The following UNC13C variants were observed in gnomAD, a reference collection of about 807,000 sequenced individuals.
UNC13C encodes unc-13 homolog C, also known as protein unc-13 homolog C.
UNC13C carries 174 observed loss-of-function variants against 245.4 expected under a neutral mutation model. The ratio of observed to expected loss-of-function variants is 0.71; its 90% CI spans 0.63 to 0.80. UNC13C has a LOEUF of 0.80. UNC13C is among the 30% of genes least tolerant of loss of function. UNC13C has a pLI of 0.00. For missense variants in UNC13C, 2,829 were observed against 2,602.9 expected, an observed-to-expected ratio of 1.09 and a Z score of -1.89; for synonymous variants, 992 against 895.1, an observed-to-expected ratio of 1.11 and a Z score of -1.93.
chr15:54,128,912 G>A (rs1018487135), intron 2 of UNC13C, among the ~76,000 whole-genome samples: 1 of 152,130 alleles, frequency 6.6e-6, no homozygotes, highest in Non-Finnish European at 1.5e-5. Flanking sequence ...CTCTCAACTA[G>A]GCCTCTCAAC....
At chr15:53,991,659 G>A (rs1041312986) in intron 1 of UNC13C, among the ~76,000 whole-genome samples, 1 of 151,968 alleles carries the variant, frequency 6.6e-6, no homozygotes, top group Non-Finnish European at 1.5e-5. Flanking sequence ...CTTGCCTCTA[G>A]GAACTGCATT....
intron 30 of UNC13C, among the ~76,000 whole-genome samples, chr15:54,616,862 C>T (rs896380951): frequency 6.6e-6 from 1 of 152,018 alleles, no homozygotes; most frequent in African/African-American, 2.4e-5. Flanking sequence ...TTCAATCCCA[C>T]AAGCTCCATT....
intron 11 of UNC13C, among the ~76,000 whole-genome samples, chr15:54,297,347 T>C (rs1411081235): frequency 6.7e-6 from 1 of 148,902 alleles, no homozygotes; most frequent in Non-Finnish European, 1.5e-5. Flanking sequence ...GGAATCATAG[T>C]TACTTTTTTT....
chr15:54,334,506 T>G (rs1190234004), intron 16 of UNC13C, among the ~76,000 whole-genome samples: 1 of 152,106 alleles, frequency 6.6e-6, no homozygotes, highest in Non-Finnish European at 1.5e-5. Flanking sequence ...ATTACGATGC[T>G]TATTCAGAAA....
intron 2 of UNC13C, among the ~76,000 whole-genome samples, chr15:54,034,612 A>T (rs568110549): frequency 4.6e-5 from 7 of 152,322 alleles, no homozygotes; most frequent in Admixed American, 2.6e-4. Flanking sequence ...ATGATGTGAA[A>T]TTCTTAGTGT....
At chr15:54,318,209 G>T (rs185477784) in intron 13 of UNC13C, among the ~76,000 whole-genome samples, 2 of 151,898 alleles carry the variant, frequency 1.3e-5, no homozygotes, top group Non-Finnish European at 1.5e-5. Context: ...TCTCTTTGAC[G>T]TGCTGATTTC....
chr15:54,602,329 CT>C (rs1460723445), intron 30 of UNC13C, among the ~76,000 whole-genome samples: 1 of 152,172 alleles, frequency 6.6e-6, no homozygotes, highest in East Asian at 1.9e-4. Flanking sequence ...ATGAATTTCA[CT>C]GGGCTGACAG....
chr15:54,438,457 G>A (rs144030274), intron 19 of UNC13C, among the ~76,000 whole-genome samples: 30 of 152,048 alleles, frequency 2.0e-4, no homozygotes, highest in Middle Eastern at 3.4e-3. Flanking sequence ...TTTTTAAAAT[G>A]TAGATTTAAA....
intron 2 of UNC13C, among the ~76,000 whole-genome samples, chr15:54,112,703 G>T (rs986986431): frequency 6.6e-6 from 1 of 152,132 alleles, no homozygotes; most frequent in Admixed American, 6.5e-5. Flanking sequence ...TAATTTTGGT[G>T]CTGCTTTTTA....
At chr15:54,458,680 C>CTTTTTTTTTTTTT (rs79291504) in intron 19 of UNC13C, among the ~76,000 whole-genome samples, 1 of 65,974 alleles carries the variant, frequency 1.5e-5, no homozygotes, top group Non-Finnish European at 2.6e-5. Context: ...CCTTTAAGGT[C>CTTTTTTTTTTTTT]TTTTTTTTTT....
At chr15:54,419,208 A>T (rs1424207648) in intron 19 of UNC13C, among the ~76,000 whole-genome samples, 1 of 152,182 alleles carries the variant, frequency 6.6e-6, no homozygotes, top group Non-Finnish European at 1.5e-5. Context: ...TACCTGAGTA[A>T]TATACCATGC....
intron 1 of UNC13C, among the ~76,000 whole-genome samples, chr15:54,006,989 C>A (rs752267268): frequency 5.3e-5 from 8 of 152,210 alleles, no homozygotes; most frequent in African/African-American, 9.6e-5. Context: ...ATTCTGCCCT[C>A]CTACCTGATG....
intron 26 of UNC13C, among the ~76,000 whole-genome samples, chr15:54,536,505 T>G (rs973558579): frequency 1.3e-5 from 2 of 151,990 alleles, no homozygotes; most frequent in African/African-American, 4.8e-5. Flanking sequence ...ATTCTGATAC[T>G]AAAAGCTGGC....
Position 54,183,277 on chromosome 15 carries a change from G to A in UNC13C, c.3071+39593G>A, listed in dbSNP as rs557400931. The stretch of plus-strand genomic sequence containing the variant: ...AAGAAAAACATTAAATAAATAAATG[G>A]TGCTGATTGTACATAGGTGACAGAA... On this transcript the variant is annotated intron_variant, in intron 4 of 32. Transcript: ENST00000260323. Among the ~76,000 whole-genome samples the A allele has an allele frequency of 2.3e-4, 35 of 150,936 alleles. No individual in the cohort carries two copies. In the South Asian group the frequency reaches 7.3e-3, roughly 32 times the overall value.
At chr15:53,928,170 T>G in the UNC13C span, among the ~76,000 whole-genome samples, 1 of 152,142 alleles carries the variant, frequency 6.6e-6, no homozygotes, top group Admixed American at 6.5e-5. Context: ...TCTCACAGCC[T>G]TCAGAGCTGA....
At chr15:54,446,096 T>G (rs190641038) in intron 19 of UNC13C, among the ~76,000 whole-genome samples, 16 of 152,288 alleles carry the variant, frequency 1.1e-4, no homozygotes, top group African/African-American at 3.9e-4. Flanking sequence ...AGAGATCAGA[T>G]AGTTGTAGAT....
chr15:54,241,374 T>A (rs2035846983), intron 7 of UNC13C, among the ~76,000 whole-genome samples: 1 of 151,988 alleles, frequency 6.6e-6, no homozygotes, highest in Admixed American at 6.6e-5. Context: ...AAAGATAACA[T>A]GGAAGGAGAA....
intron 30 of UNC13C, among the ~76,000 whole-genome samples, chr15:54,619,086 C>T (rs551897799): frequency 1.5e-4 from 23 of 152,226 alleles, no homozygotes; most frequent in Admixed American, 9.8e-4. Flanking sequence ...TTTTCTATGC[C>T]TTGGAAATGG....
chr15:54,347,736 AC>A (rs1369263783), intron 17 of UNC13C, among the ~76,000 whole-genome samples: 1 of 152,140 alleles, frequency 6.6e-6, no homozygotes, highest in East Asian at 1.9e-4. Context: ...ATCAGTAGAA[AC>A]ATATTTCTCT....
Sources: allele counts gnomAD v4.1 joint callset (sites outside exome capture counted in the v4.1 genomes callset), GRCh38; gene constraint gnomAD v4.1.1; transcripts MANE v1.5; gene names NCBI Gene and HGNC (gene_info 2026-07-23, HGNC 2026-07-21).